AFAP1L1: variants seen among roughly 807,000 people sequenced by gnomAD.
The protein encoded by AFAP1L1 is actin filament-associated protein 1-like 1.
Under a neutral mutation model 99.8 loss-of-function variants are expected in AFAP1L1, and 77 were observed. That is an observed-to-expected ratio of 0.77 (90% CI 0.64 to 0.93). The LOEUF (loss-of-function observed/expected upper bound fraction) is 0.93, where lower values mean the gene tolerates loss of function less well. Ranked by LOEUF, AFAP1L1 falls within the 40% of genes least tolerant of loss-of-function variation. The pLI is 0.00. For synonymous variants in AFAP1L1, 373 were observed against 395.3 expected (o/e 0.94, Z 0.67); for missense variants, 893 against 996.8 (o/e 0.90, Z 1.40).
At chr5:149,318,638 C>T (rs559525420) in intron 12 of AFAP1L1, among the ~76,000 whole-genome samples, 2 of 152,142 alleles carry the variant, frequency 1.3e-5, no homozygotes, top group Admixed American at 6.5e-5. Flanking sequence ...TTCATTTCAC[C>T]GATTCACTGT....
At chr5:149,325,105 G>A (rs1320258552) in intron 15 of AFAP1L1, among the ~76,000 whole-genome samples, 1 of 152,208 alleles carries the variant, frequency 6.6e-6, no homozygotes, top group Non-Finnish European at 1.5e-5. Context: ...TAGCAAAACA[G>A]CAGTAGCTGG....
intron 1 of AFAP1L1, among the ~76,000 whole-genome samples, chr5:149,285,203 G>A (rs1309677286): frequency 2.0e-5 from 3 of 152,046 alleles, no homozygotes; most frequent in Non-Finnish European, 4.4e-5. Flanking sequence ...TGAGAGGGAA[G>A]GAAAAGAGGG....
At chr5:149,290,808 T>C (rs1659097) in intron 1 of AFAP1L1, among the ~76,000 whole-genome samples, 134,267 of 152,202 alleles carry the variant, frequency 0.88, 59,378 homozygotes, top group Non-Finnish European at 0.91. Context: ...ATTAACTAGC[T>C]GTTAGACTTT....
chr5:149,324,579 A>C (rs1757041390), intron 15 of AFAP1L1, among the ~76,000 whole-genome samples: 1 of 152,212 alleles, frequency 6.6e-6, no homozygotes, highest in African/African-American at 2.4e-5. Context: ...CTAAACAATA[A>C]GCAGGAACAT....
chr5:149,312,632 C>T (rs1249537745), intron 9 of AFAP1L1, among the ~76,000 whole-genome samples: 1 of 151,828 alleles, frequency 6.6e-6, no homozygotes, highest in African/African-American at 2.4e-5. Flanking sequence ...AAAAAAGTTA[C>T]AAAACAATTA....
intron 1 of AFAP1L1, among the ~76,000 whole-genome samples, chr5:149,287,235 A>T (rs1259885505): frequency 6.6e-6 from 1 of 152,228 alleles, no homozygotes; most frequent in Non-Finnish European, 1.5e-5. Context: ...TATTCTTTTA[A>T]TAAATTTTTA....
rs561581757 is a variant in AFAP1L1 at position 149,342,511 on chromosome 5, C to T, written c.*2481C>T. ...AGCACACTAGCACTTAATAAATAGA[C>T]GAATGAATGCATGGATGCAAGCAGC... On this transcript the variant is annotated 3_prime_UTR_variant, in exon 19 of 19. Coordinates refer to ENST00000296721, the MANE Select transcript of AFAP1L1 (RefSeq NM_152406.4). Among the ~76,000 whole-genome samples the T allele has an allele frequency of 3.3e-5, 5 of 152,310 alleles. No homozygotes were observed. Among genetic ancestry groups the T allele is most frequent in the South Asian group, 4.1e-4 (2 of 4,826 alleles).
Position 149,332,790 on chromosome 5 carries a change from G to T in AFAP1L1, c.2071G>T (p.Val691Leu). Residue 691 changes from valine (V) to leucine (L), a missense_variant, in exon 17 of 19, where the codon GTG becomes TTG. Val to Leu is a conservative substitution (Grantham distance 32). Transcript: ENST00000296721. ...ERRIDLELKL[V>L]AVKERLQQSL... ...CCGGATTGACCTGGAGCTGAAGCTGGTGGCTGTGAAGGAGCGCTTGCAGCA... is the reference window on the plus strand; with the variant it reads ...CCGGATTGACCTGGAGCTGAAGCTGTTGGCTGTGAAGGAGCGCTTGCAGCA... 2 of 1,613,432 alleles carry T rather than the reference G, an allele frequency of 1.2e-6. No individual in the cohort carries two copies. The highest frequency in any genetic ancestry group is 1.7e-6 in the Non-Finnish European group (2 of 1,179,992).
At chr5:149,275,392 A>G (rs913652778) in intron 1 of AFAP1L1, among the ~76,000 whole-genome samples, 3 of 152,172 alleles carry the variant, frequency 2.0e-5, no homozygotes, top group Non-Finnish European at 4.4e-5. Context: ...ACTTTTTGCC[A>G]TGTCCCTTCG....
rs1756569001 is a variant in AFAP1L1, at chr5:149,310,018, C to A, written c.810C>A (p.Ile270=). The change falls in exon 8 of 19, where the codon ATC becomes ATA. Residue 270 remains isoleucine, a synonymous_variant. Coordinates refer to ENST00000296721, the MANE Select transcript of AFAP1L1 (RefSeq NM_152406.4). ...GGTTGGCACTGGATACCTGCAGCAT[C>A]ATCTACGTGCCCAAGGACAGCCGGC... ...HLRLALDTCS[I]IYVPKDSRHK... is the part of the protein sequence containing the mutation. 1 of 1,614,230 alleles carries A rather than the reference C, an allele frequency of 6.2e-7. No individual in the cohort carries two copies. Among genetic ancestry groups the A allele is most frequent in the Non-Finnish European group, 8.5e-7 (1 of 1,180,034 alleles).
intron 1 of AFAP1L1, among the ~76,000 whole-genome samples, chr5:149,281,215 A>C (rs993391020): frequency 6.6e-6 from 1 of 151,964 alleles, no homozygotes; most frequent in African/African-American, 2.4e-5. Context: ...TGACCCACTA[A>C]ATTCTTTTTT....
At chr5:149,287,623 G>T (rs147833089) in intron 1 of AFAP1L1, among the ~76,000 whole-genome samples, 1 of 151,950 alleles carries the variant, frequency 6.6e-6, no homozygotes, top group East Asian at 1.9e-4. Context: ...TCACACTGTC[G>T]CCCAGGCTGG....
intron 1 of AFAP1L1, among the ~76,000 whole-genome samples, chr5:149,298,301 T>A (rs1164948600): frequency 6.6e-6 from 1 of 152,198 alleles, no homozygotes; most frequent in Non-Finnish European, 1.5e-5. Flanking sequence ...TGAGCCTTAG[T>A]GTCTTCATCT....
intron 18 of AFAP1L1, among the ~76,000 whole-genome samples, chr5:149,338,729 G>T (rs952805092): frequency 2.6e-5 from 4 of 152,182 alleles, no homozygotes; most frequent in African/African-American, 9.7e-5. Flanking sequence ...CAGAGAAGAT[G>T]AACGTCCCAA....
intron 1 of AFAP1L1, among the ~76,000 whole-genome samples, chr5:149,272,657 G>A (rs945793319): frequency 7.9e-5 from 12 of 152,206 alleles, no homozygotes; most frequent in Non-Finnish European, 1.3e-4. Flanking sequence ...ATTGACATAA[G>A]CCGAGAGGGC....
In AFAP1L1 at chr5:149,300,310, T is replaced by G. The variant is rs140034298; in HGVS notation, c.185T>G (p.Leu62Arg). 5 of 1,613,436 alleles carry G rather than the reference T, an allele frequency of 3.1e-6. No homozygotes were observed. The African/African-American group carries it at 4.0e-5, about 13-fold the overall frequency. Reference protein sequence around the residue: ...VSYLYVNTADLHSGPSFVESL... With the variant: ...VSYLYVNTADRHSGPSFVESL... The stretch of plus-strand genomic sequence containing the variant: ...TACCTGTATGTGAACACAGCAGACC[T>G]CCACTCGGGGCCCAGCTTCGTGGAA... The change falls in exon 3 of 19, where the codon CTC (leucine) becomes CGC (arginine). Residue 62 changes from leucine (L) to arginine (R), a missense_variant. By Grantham distance (102) the Leu-to-Arg change is moderately radical. Coordinates refer to ENST00000296721, the MANE Select transcript of AFAP1L1 (RefSeq NM_152406.4).
At chr5:149,326,399 C>T (rs529269309) in intron 15 of AFAP1L1, among the ~76,000 whole-genome samples, 88 of 152,046 alleles carry the variant, frequency 5.8e-4, no homozygotes, top group African/African-American at 2.1e-3. Flanking sequence ...ATTAGCCAGG[C>T]ATGGTGGCGG....
chr5:149,297,192 A>G (rs780115692), intron 1 of AFAP1L1, among the ~76,000 whole-genome samples: 70 of 152,352 alleles, frequency 4.6e-4, no homozygotes, highest in Non-Finnish European at 2.2e-4. Flanking sequence ...ATGATTTTAA[A>G]TAATTACCTG....
At chr5:149,288,357 G>A (rs1338296993) in intron 1 of AFAP1L1, among the ~76,000 whole-genome samples, 1 of 152,182 alleles carries the variant, frequency 6.6e-6, no homozygotes, top group Non-Finnish European at 1.5e-5. Context: ...TGTAAACGCA[G>A]GCAAAAACAG....
Sources: gnomAD v4.1 joint callset for allele counts (sites outside exome capture counted in the v4.1 genomes callset) on GRCh38, gnomAD v4.1.1 for gene constraint, MANE v1.5 for transcripts, NCBI Gene and HGNC (gene_info 2026-07-23, HGNC 2026-07-21) for gene names.